The following SKAP1 variants were observed in gnomAD, a reference collection of about 807,000 sequenced individuals.
SKAP1 encodes src kinase-associated phosphoprotein 1.
In SKAP1, 44 loss-of-function variants were observed where a neutral mutation model predicts 58.5. The ratio of observed to expected loss-of-function variants is 0.75; its 90% CI spans 0.59 to 0.97. The LOEUF is 0.97. Ranked by LOEUF, SKAP1 falls within the 50% of genes least tolerant of loss-of-function variation. The pLI, the probability that SKAP1 is intolerant of heterozygous loss-of-function variation, is 0.00. For synonymous variants in SKAP1, 127 were observed against 149.7 expected, an observed-to-expected ratio of 0.85 and a Z score of 1.11; for missense variants, 390 against 435.2, an observed-to-expected ratio of 0.90 and a Z score of 0.92.
intron 12 of SKAP1, among the ~76,000 whole-genome samples, chr17:48,134,226 C>T (rs2063671941): frequency 2.0e-5 from 3 of 152,172 alleles, no homozygotes; most frequent in African/African-American, 7.2e-5. Flanking sequence ...TACAATGAAC[C>T]GTATGTGCCT....
rs115416989 is a variant in SKAP1 at position 48,407,679 on chromosome 17, T to G, written c.47-10894A>C. On this transcript the variant is annotated intron_variant, in intron 1 of 12. Coordinates refer to ENST00000336915, the MANE Select transcript of SKAP1 (RefSeq NM_003726.4). ...TTCGAGACCAGCGTGGGCAACATGA[T>G]GAAACTCCACAGAAAAATACAAAAA... 3.9e-3 allele frequency among the ~76,000 whole-genome samples: 596 copies of G among 152,006 alleles called. 10 individuals are homozygous for G. The highest frequency in any genetic ancestry group is 0.013 in the African/African-American group (546 of 41,466).
intron 4 of SKAP1, among the ~76,000 whole-genome samples, chr17:48,305,349 C>A (rs1186208977): frequency 6.6e-6 from 1 of 152,060 alleles, no homozygotes; most frequent in Non-Finnish European, 1.5e-5. Context: ...TGCACCTGGC[C>A]TATAATAAAA....
chr17:48,385,437 A>G (rs910117096), intron 2 of SKAP1, among the ~76,000 whole-genome samples: 2 of 152,168 alleles, frequency 1.3e-5, no homozygotes, highest in Non-Finnish European at 2.9e-5. Context: ...TATTGGAGAG[A>G]CATAATGAAG....
intron 4 of SKAP1, 99 bp downstream of exon 4, chr17:48,345,806 C>T (rs1157309154): frequency 1.3e-6 from 1 of 786,314 alleles, no homozygotes; most frequent in Non-Finnish European, 2.2e-6. Context: ...GAAAACCCAC[C>T]AAAGGCTGCT....
chr17:48,239,355 C>T (rs549166733), intron 4 of SKAP1, among the ~76,000 whole-genome samples: 5 of 152,114 alleles, frequency 3.3e-5, no homozygotes, highest in Admixed American at 2.0e-4. Flanking sequence ...TCTGTCCTGG[C>T]GAACATCAGC....
chr17:48,193,745 A>G, intron 4 of SKAP1: 1 of 984,744 alleles, frequency 1.0e-6, no homozygotes, highest in Non-Finnish European at 1.2e-6. Context: ...GTGATGAGGC[A>G]GGAATCTTGT....
At chr17:48,289,321 G>A (rs2065872332) in intron 4 of SKAP1, among the ~76,000 whole-genome samples, 1 of 151,820 alleles carries the variant, frequency 6.6e-6, no homozygotes, top group African/African-American at 2.4e-5. Context: ...TATTTGGCAT[G>A]TCATTAAAAA....
chr17:48,185,828 A>G (rs1001460416), intron 6 of SKAP1: 1 of 152,432 alleles, frequency 6.6e-6, no homozygotes, highest in Non-Finnish European at 1.5e-5. Context: ...ATAACTGGCG[A>G]GAAGGGAGCC....
intron 11 of SKAP1, among the ~76,000 whole-genome samples, chr17:48,142,278 A>G (rs1432710538): frequency 6.6e-6 from 1 of 152,172 alleles, no homozygotes; most frequent in African/African-American, 2.4e-5. Flanking sequence ...CCTGACCAAC[A>G]TGGTGAAACC....
chr17:48,180,420 C>A (rs1380379789), intron 8 of SKAP1, among the ~76,000 whole-genome samples, 172 bp from the exon 9 acceptor site: 1 of 152,156 alleles, frequency 6.6e-6, no homozygotes, highest in Non-Finnish European at 1.5e-5. Context: ...AGGAAATCTA[C>A]AGAAAAGGCC....
In SKAP1 at chr17:48,280,440, ATGACAGGCTGCACTCCAGCCTGGG is replaced by A. The variant is rs1341357830; in HGVS notation, c.280+65441_280+65464del. Reference sequence around the variant, plus strand: ...AGCCGAGATCTGCACTCCAGCCTGGATGACAGGCTGCACTCCAGCCTGGGTGACAGAGTGAGACTCTGTCTCAAA... The same window carrying A: ...AGCCGAGATCTGCACTCCAGCCTGGATGACAGAGTGAGACTCTGTCTCAAA... On this transcript the variant is annotated intron_variant, in intron 4 of 12. Coordinates refer to ENST00000336915, the MANE Select transcript of SKAP1 (RefSeq NM_003726.4). Among the ~76,000 whole-genome samples, 8 of 150,560 alleles carry A rather than the reference ATGACAGGCTGCACTCCAGCCTGGG, an allele frequency of 5.3e-5. No homozygotes were observed. The East Asian group carries it at 5.9e-4, about 11-fold the overall frequency.
chr17:48,216,361 T>TAC (rs1376379411), intron 4 of SKAP1, among the ~76,000 whole-genome samples: 7 of 152,208 alleles, frequency 4.6e-5, no homozygotes, highest in Non-Finnish European at 4.4e-5. Context: ...ATCCCATTGA[T>TAC]AGAGTGTGTG....
chr17:48,252,195 GTAAATAATA>G (rs2065371839), intron 4 of SKAP1, among the ~76,000 whole-genome samples: 1 of 151,878 alleles, frequency 6.6e-6, no homozygotes, highest in Non-Finnish European at 1.5e-5. Context: ...AGACTCTTGA[GTAAATAATA>G]TATGTAAGCG....
intron 4 of SKAP1, among the ~76,000 whole-genome samples, chr17:48,248,046 A>G (rs981691849): frequency 3.9e-5 from 6 of 152,192 alleles, no homozygotes; most frequent in Admixed American, 2.6e-4. Flanking sequence ...GAAATTTCTG[A>G]ATCGATGAAT....
intron 4 of SKAP1, among the ~76,000 whole-genome samples, chr17:48,246,909 CA>C (rs2065303204): frequency 6.6e-6 from 1 of 152,158 alleles, no homozygotes; most frequent in African/African-American, 2.4e-5. Context: ...CAGTCTTAAC[CA>C]GAAGGCATTT....
At chr17:48,296,434 A>G (rs978348019) in intron 4 of SKAP1, among the ~76,000 whole-genome samples, 1 of 152,232 alleles carries the variant, frequency 6.6e-6, no homozygotes. Flanking sequence ...TATAGTATAA[A>G]AGAAATACTT....
chr17:48,277,527 A>G (rs2065715676), intron 4 of SKAP1, among the ~76,000 whole-genome samples: 1 of 152,224 alleles, frequency 6.6e-6, no homozygotes, highest in African/African-American at 2.4e-5. Context: ...TCTGTCATCA[A>G]CAGCCTTTTC....
intron 4 of SKAP1, among the ~76,000 whole-genome samples, chr17:48,263,450 T>C (rs951921060): frequency 1.3e-5 from 2 of 152,240 alleles, no homozygotes; most frequent in South Asian, 4.1e-4. Context: ...TTTTCTATTT[T>C]TAAATATTTA....
At chr17:48,374,450 T>C (rs1437102052) in intron 2 of SKAP1, among the ~76,000 whole-genome samples, 1 of 152,192 alleles carries the variant, frequency 6.6e-6, no homozygotes, top group African/African-American at 2.4e-5. Flanking sequence ...TGTTCTCTGA[T>C]AATGGCTGTC....
Sources: gnomAD v4.1 joint callset for allele counts (sites outside exome capture counted in the v4.1 genomes callset) on GRCh38, gnomAD v4.1.1 for gene constraint, MANE v1.5 for transcripts, NCBI Gene and HGNC (gene_info 2026-07-23, HGNC 2026-07-21) for gene names.